The following RPS6KC1 variants were observed in gnomAD, a reference collection of about 807,000 sequenced individuals.
The protein encoded by RPS6KC1 is ribosomal protein S6 kinase C1, also known as inactive ribosomal protein S6 kinase delta-1.
A neutral mutation model predicts 103.8 loss-of-function variants in RPS6KC1; 54 were observed. That is an observed-to-expected ratio of 0.52 (90% CI 0.42 to 0.65). The LOEUF is 0.65. RPS6KC1 is among the 30% of genes least tolerant of loss of function. RPS6KC1 has a pLI of 0.00. For synonymous variants in RPS6KC1, 439 were observed against 438.7 expected (o/e 1.00, Z -0.01); for missense variants, 1,151 against 1,253.8 (o/e 0.92, Z 1.24).
At chr1:213,270,169 C>T (rs780774923) in intron 14 of RPS6KC1, among the ~76,000 whole-genome samples, 4 of 152,120 alleles carry the variant, frequency 2.6e-5, no homozygotes, top group South Asian at 2.1e-4. Flanking sequence ...TATAAAACCA[C>T]GATAGTTTTA....
the RPS6KC1 span, among the ~76,000 whole-genome samples, chr1:213,312,257 G>GC: frequency 2.6e-5 from 4 of 151,864 alleles, no homozygotes; most frequent in Non-Finnish European, 5.9e-5. Context: ...GTGCAGGGGG[G>GC]GCAACTGCAC....
At chr1:213,127,295 G>T (rs2085090918) in intron 5 of RPS6KC1, among the ~76,000 whole-genome samples, 1 of 152,152 alleles carries the variant, frequency 6.6e-6, no homozygotes, top group Admixed American at 6.6e-5. Flanking sequence ...ATGAATCAAG[G>T]CAGTGTCACC....
chr1:213,255,867 C>T (rs1422993953), intron 12 of RPS6KC1, among the ~76,000 whole-genome samples: 1 of 152,122 alleles, frequency 6.6e-6, no homozygotes. Flanking sequence ...AGCCTAAATG[C>T]AGAACTCTTT....
At chr1:213,258,990 C>T (rs1222993941) in intron 12 of RPS6KC1, among the ~76,000 whole-genome samples, 1 of 152,176 alleles carries the variant, frequency 6.6e-6, no homozygotes, top group Non-Finnish European at 1.5e-5. Context: ...CATAGAGTTC[C>T]TAGAGCCCCT....
chr1:213,394,433 T>TA, the RPS6KC1 span, among the ~76,000 whole-genome samples: 7 of 143,724 alleles, frequency 4.9e-5, no homozygotes, highest in African/African-American at 7.5e-5. Context: ...CACACCCCCC[T>TA]ACCCCTCACC....
intron 8 of RPS6KC1, among the ~76,000 whole-genome samples, chr1:213,194,675 G>A (rs987458213): frequency 1.3e-5 from 2 of 152,196 alleles, no homozygotes; most frequent in African/African-American, 2.4e-5. Context: ...GATTCTCATA[G>A]GAGCGCAAAC....
At chr1:213,159,832 G>T (rs545964932) in intron 6 of RPS6KC1, among the ~76,000 whole-genome samples, 1 of 152,292 alleles carries the variant, frequency 6.6e-6, no homozygotes, top group Admixed American at 6.5e-5. Flanking sequence ...AAAAACATTT[G>T]AGAGGGCTGA....
chr1:213,846,546 A>G, the RPS6KC1 span, among the ~76,000 whole-genome samples: 2 of 152,158 alleles, frequency 1.3e-5, no homozygotes, highest in African/African-American at 4.8e-5. Context: ...TCCTGAAGCC[A>G]ATTTCTTTTA....
At chr1:213,630,226 G>A in the RPS6KC1 span, among the ~76,000 whole-genome samples, 1 of 152,198 alleles carries the variant, frequency 6.6e-6, no homozygotes, top group Admixed American at 6.5e-5. Flanking sequence ...ACACCAATCA[G>A]ACGTAGATTT....
At chr1:213,743,033 T>G in the RPS6KC1 span, among the ~76,000 whole-genome samples, 1 of 152,230 alleles carries the variant, frequency 6.6e-6, no homozygotes, top group African/African-American at 2.4e-5. Context: ...ATCCCATTAC[T>G]GGGTATATAT....
At chr1:213,608,962 G>A in the RPS6KC1 span, among the ~76,000 whole-genome samples, 6 of 152,178 alleles carry the variant, frequency 3.9e-5, no homozygotes, top group Non-Finnish European at 5.9e-5. Flanking sequence ...AATATTTGTC[G>A]ACATTTATAA....
At chr1:213,643,469 GA>G in the RPS6KC1 span, among the ~76,000 whole-genome samples, 20 of 151,112 alleles carry the variant, frequency 1.3e-4, no homozygotes, top group Non-Finnish European at 2.8e-4. Flanking sequence ...GAATGCTGTT[GA>G]TTTTTTTTCA....
At chr1:213,268,272 A>G (rs1389407822) in intron 14 of RPS6KC1, among the ~76,000 whole-genome samples, 1 of 151,980 alleles carries the variant, frequency 6.6e-6, no homozygotes, top group Admixed American at 6.6e-5. Context: ...TTGGAATGAC[A>G]CAGTCAAAGT....
At chr1:213,794,837 T>C in the RPS6KC1 span, among the ~76,000 whole-genome samples, 29 of 152,198 alleles carry the variant, frequency 1.9e-4, no homozygotes, top group Non-Finnish European at 3.5e-4. Context: ...ACCTATTTAA[T>C]TGGAAGCTTT....
At chr1:213,261,131 T>C (rs2094784525) in intron 12 of RPS6KC1, among the ~76,000 whole-genome samples, 1 of 116,086 alleles carries the variant, frequency 8.6e-6, no homozygotes, top group Non-Finnish European at 2.3e-5. Context: ...AACCTGCAAG[T>C]AAAAGGATGA....
chr1:213,172,708 A>G (rs2091569243), intron 7 of RPS6KC1, among the ~76,000 whole-genome samples: 1 of 152,236 alleles, frequency 6.6e-6, no homozygotes, highest in African/African-American at 2.4e-5. Flanking sequence ...TGGGATTAAC[A>G]GAGATGCCTG....
At chr1:213,803,240 CTTT>C in the RPS6KC1 span, among the ~76,000 whole-genome samples, 6 of 101,384 alleles carry the variant, frequency 5.9e-5, no homozygotes, top group South Asian at 3.9e-4. Flanking sequence ...AAGGCAGTGG[CTTT>C]TTTTTTTTTT....
intron 12 of RPS6KC1, among the ~76,000 whole-genome samples, chr1:213,259,732 T>A (rs906735891): frequency 7.9e-6 from 1 of 126,800 alleles, no homozygotes; most frequent in Admixed American, 9.7e-5. Flanking sequence ...GTTGTTTTTT[T>A]AATTTTTTTT....
intron 3 of RPS6KC1, among the ~76,000 whole-genome samples, chr1:213,101,803 C>T (rs560991656): frequency 8.6e-5 from 13 of 151,904 alleles, no homozygotes; most frequent in South Asian, 2.1e-4. Flanking sequence ...TTTCTTTAAG[C>T]GATAACTATA....
Sources: gnomAD v4.1 joint callset for allele counts (sites outside exome capture counted in the v4.1 genomes callset) on GRCh38, gnomAD v4.1.1 for gene constraint, MANE v1.5 for transcripts, NCBI Gene and HGNC (gene_info 2026-07-23, HGNC 2026-07-21) for gene names.